The following ADAMTS17 variants were observed in gnomAD, a reference collection of about 807,000 sequenced individuals.
ADAMTS17 encodes the protein ADAM metallopeptidase with thrombospondin type 1 motif 17.
ADAMTS17 carries 113 observed loss-of-function variants against 141.5 expected under a neutral mutation model. The ratio of observed to expected loss-of-function variants is 0.80; its 90% CI spans 0.69 to 0.93. ADAMTS17 has a LOEUF of 0.93. ADAMTS17 is among the 40% of genes least tolerant of loss of function. The pLI is 0.00. For synonymous variants in ADAMTS17, 768 were observed against 630.6 expected (o/e 1.22, Z -3.27); for missense variants, 1,659 against 1,517.9 (o/e 1.09, Z -1.54).
intron 10 of ADAMTS17, among the ~76,000 whole-genome samples, chr15:100,139,839 T>C (rs926395310): frequency 1.3e-5 from 2 of 152,114 alleles, no homozygotes; most frequent in African/African-American, 4.8e-5. Context: ...ACCAGAGACA[T>C]GACAACTAAA....
chr15:99,992,681 T>G (rs1251815752), intron 20 of ADAMTS17, among the ~76,000 whole-genome samples: 1 of 152,086 alleles, frequency 6.6e-6, no homozygotes, highest in East Asian at 1.9e-4. Flanking sequence ...ATGGAAGTGA[T>G]GTTTGCCCCA....
chr15:100,185,568 G>GA (rs2040684414), intron 8 of ADAMTS17, among the ~76,000 whole-genome samples: 1 of 152,202 alleles, frequency 6.6e-6, no homozygotes, highest in Admixed American at 6.5e-5. Flanking sequence ...GCCAGTGTGA[G>GA]AAAATCAACA....
chr15:100,037,416 TTTTCTTCTTTTTG>T lies in ADAMTS17; in HGVS notation c.2591+11428_2591+11440del, dbSNP rs1235463470. ...TCTTTAGGTATTCCTTTTTTTTTTTTTTTCTTCTTTTTGAGACAGAGTCTCACTCTGTAGCCCA... is the reference window on the plus strand; with the variant it reads ...TCTTTAGGTATTCCTTTTTTTTTTTTAGACAGAGTCTCACTCTGTAGCCCA... On this transcript the variant is annotated intron_variant, in intron 18 of 21. Transcript: ENST00000268070. Among the ~76,000 whole-genome samples the T allele has an allele frequency of 1.6e-3, 238 of 149,672 alleles. 1 individual carries two copies. The highest frequency in any genetic ancestry group is 0.01 in the Middle Eastern group (3 of 294).
intron 7 of ADAMTS17, among the ~76,000 whole-genome samples, chr15:100,236,888 C>CT (rs2042674154): frequency 6.6e-6 from 1 of 152,148 alleles, no homozygotes; most frequent in South Asian, 2.1e-4. Flanking sequence ...TCCCTCTCCT[C>CT]TGCCCCCAAA....
At chr15:100,245,995 C>A (rs1291530709) in intron 7 of ADAMTS17, among the ~76,000 whole-genome samples, 5 of 152,006 alleles carry the variant, frequency 3.3e-5, no homozygotes, top group South Asian at 2.1e-4. Context: ...GTGCACAGAG[C>A]AAGCACACAG....
chr15:100,157,000 C>T (rs1034451518), intron 8 of ADAMTS17, among the ~76,000 whole-genome samples: 1 of 152,168 alleles, frequency 6.6e-6, no homozygotes, highest in Non-Finnish European at 1.5e-5. Context: ...CCAGGGAGAC[C>T]TCAGGAAACT....
chr15:100,061,264 A>C (rs1351438), intron 15 of ADAMTS17, among the ~76,000 whole-genome samples: 105,359 of 152,036 alleles, frequency 0.69, 37,784 homozygotes, highest in Non-Finnish European at 0.8. Context: ...CAGCGAAATC[A>C]GAGGAGGTGG....
At chr15:100,054,098 A>G (rs1188884609) in intron 15 of ADAMTS17, 44 bp from the exon 16 acceptor site, 1 of 1,611,120 alleles carries the variant, frequency 6.2e-7, no homozygotes, top group East Asian at 2.2e-5. Flanking sequence ...GGCTGGGGGT[A>G]GGGGGATCCA....
At chr15:100,056,436 T>C (rs2032574138) in intron 15 of ADAMTS17, among the ~76,000 whole-genome samples, 1 of 151,012 alleles carries the variant, frequency 6.6e-6, no homozygotes, top group Admixed American at 6.6e-5. Flanking sequence ...GACCAGGGGG[T>C]TGGGGGAAGT....
At chr15:100,289,675 C>G (rs1467913550) in intron 3 of ADAMTS17, among the ~76,000 whole-genome samples, 1 of 152,124 alleles carries the variant, frequency 6.6e-6, no homozygotes, top group Non-Finnish European at 1.5e-5. Context: ...CCATGATCAA[C>G]CAGGCTTTAT....
At chr15:100,190,621 C>T (rs570552842) in intron 8 of ADAMTS17, among the ~76,000 whole-genome samples, 103 of 152,288 alleles carry the variant, frequency 6.8e-4, no homozygotes, top group African/African-American at 2.3e-3. Context: ...AGGGGCAGGT[C>T]TGGAGAAGTC....
chr15:100,071,503 G>C (rs537273117), intron 15 of ADAMTS17, among the ~76,000 whole-genome samples: 1 of 150,254 alleles, frequency 6.7e-6, no homozygotes, highest in East Asian at 1.9e-4. Context: ...ATAAAATACT[G>C]GCAAACCGAA....
At chr15:100,024,873 G>T (rs564519157) in intron 18 of ADAMTS17, among the ~76,000 whole-genome samples, 1 of 152,156 alleles carries the variant, frequency 6.6e-6, no homozygotes, top group Non-Finnish European at 1.5e-5. Context: ...TACATGTCTA[G>T]TTGCAATGTG....
chr15:100,047,078 C>T (rs1015745337), intron 18 of ADAMTS17, among the ~76,000 whole-genome samples: 2 of 151,874 alleles, frequency 1.3e-5, no homozygotes, highest in African/African-American at 4.8e-5. Context: ...TCTAAAATGG[C>T]CCCCCTGGGT....
chr15:100,227,354 C>T (rs879342970), intron 7 of ADAMTS17, among the ~76,000 whole-genome samples: 3 of 115,096 alleles, frequency 2.6e-5, no homozygotes, highest in Non-Finnish European at 5.6e-5. Context: ...ATCCTCACTA[C>T]CCCCTCCAAT....
At chr15:100,218,545 A>C (rs1202034024) in intron 7 of ADAMTS17, among the ~76,000 whole-genome samples, 1 of 152,192 alleles carries the variant, frequency 6.6e-6, no homozygotes, top group African/African-American at 2.4e-5. Flanking sequence ...CTTCACACCC[A>C]CCAGAATGAC....
At chr15:100,139,115 A>AG (rs2038491818) in intron 10 of ADAMTS17, among the ~76,000 whole-genome samples, 1 of 152,278 alleles carries the variant, frequency 6.6e-6, no homozygotes, top group East Asian at 1.9e-4. Flanking sequence ...GAAAAATATA[A>AG]GGGTTGGCTC....
At chr15:100,076,132 T>C (rs1317699737) in intron 15 of ADAMTS17, among the ~76,000 whole-genome samples, 1 of 152,170 alleles carries the variant, frequency 6.6e-6, no homozygotes. Flanking sequence ...AACCTCCACC[T>C]TCCGGGTTCA....
chr15:100,053,867 T>C (rs1300887708), intron 16 of ADAMTS17, 30 bp downstream of exon 16: 1 of 1,614,000 alleles, frequency 6.2e-7, no homozygotes, highest in East Asian at 2.2e-5. Context: ...CCACACCCCC[T>C]AAGACAAGTG....
Sources: allele counts gnomAD v4.1 joint callset (sites outside exome capture counted in the v4.1 genomes callset), GRCh38; gene constraint gnomAD v4.1.1; transcripts MANE v1.5; gene names NCBI Gene and HGNC (gene_info 2026-07-23, HGNC 2026-07-21).